The following HTR2A variants were observed in gnomAD, a reference collection of about 807,000 sequenced individuals.
HTR2A encodes the protein 5-hydroxytryptamine receptor 2A, also known as 5-HT2 receptor.
Under a neutral mutation model 31.0 loss-of-function variants are expected in HTR2A, and 14 were observed. That is an observed-to-expected ratio of 0.45 (90% CI 0.30 to 0.71). HTR2A has a LOEUF of 0.71. Among genes scored for constraint, HTR2A ranks in the 30% least tolerant of loss-of-function variants. HTR2A has a pLI of 0.09. For missense variants in HTR2A, 442 were observed against 573.3 expected, an observed-to-expected ratio of 0.77 and a Z score of 2.34; for synonymous variants, 209 against 225.2, an observed-to-expected ratio of 0.93 and a Z score of 0.64.
At chr13:46,872,381 T>C (rs1950869042) in intron 3 of HTR2A, among the ~76,000 whole-genome samples, 1 of 152,194 alleles carries the variant, frequency 6.6e-6, no homozygotes, top group South Asian at 2.1e-4. Context: ...AACAAGCGTA[T>C]GTGCAAAAAG....
chr13:46,848,382 A>C (rs1485844839), intron 3 of HTR2A, among the ~76,000 whole-genome samples: 1 of 152,216 alleles, frequency 6.6e-6, no homozygotes, highest in Non-Finnish European at 1.5e-5. Context: ...TTTTTCTTGA[A>C]GAGATGAAAT....
chr13:46,834,851 C>A lies in HTR2A; in HGVS notation c.1402G>T (p.Val468Leu), dbSNP rs889852055. The A allele has an allele frequency of 8.1e-6, 13 of 1,612,272 alleles. No individual in the cohort carries two copies. Among genetic ancestry groups the A allele is most frequent in the African/African-American group, 1.3e-5 (1 of 74,808 alleles). ...CAACTAGCCTATCACACACAGCTCA[C>A]CTTTTCATTCACTCCGTCGCTATTG... ...KDNSDGVNEK[V>L]SCV Residue 468 changes from valine (V) to leucine (L), a missense_variant, in exon 4 of 4, where the codon GTG becomes TTG. Val to Leu is a conservative substitution (Grantham distance 32). Transcript: ENST00000542664.
At chr13:46,881,508 G>A (rs116239678) in intron 3 of HTR2A, among the ~76,000 whole-genome samples, 1,527 of 152,318 alleles carry the variant, frequency 0.01, 23 homozygotes, top group African/African-American at 0.035. Context: ...ACAACAAATG[G>A]AGGCAATTTC....
intron 3 of HTR2A, chr13:46,852,116 G>C (rs551284193): frequency 6.6e-6 from 1 of 152,428 alleles, no homozygotes; most frequent in East Asian, 1.9e-4. Flanking sequence ...CTAGAAGCTG[G>C]AGGGGCCAGT....
chr13:46,848,909 C>T (rs1950662474), intron 3 of HTR2A, among the ~76,000 whole-genome samples: 1 of 152,092 alleles, frequency 6.6e-6, no homozygotes, highest in South Asian at 2.1e-4. Context: ...ATTACTTATA[C>T]GTGGGAAGCA....
chr13:46,873,493 A>G (rs1214480296), intron 3 of HTR2A, among the ~76,000 whole-genome samples: 1 of 150,212 alleles, frequency 6.7e-6, no homozygotes, highest in African/African-American at 2.4e-5. Flanking sequence ...TATGTGCACA[A>G]TGTGCCGGTT....
intron 3 of HTR2A, among the ~76,000 whole-genome samples, chr13:46,858,890 A>C (rs1025264982): frequency 6.6e-6 from 1 of 152,180 alleles, no homozygotes; most frequent in African/African-American, 2.4e-5. Flanking sequence ...TGAGAAAAGC[A>C]GGGCAGATGC....
chr13:46,870,896 T>C (rs934833095), intron 3 of HTR2A, among the ~76,000 whole-genome samples: 3 of 152,204 alleles, frequency 2.0e-5, no homozygotes, highest in Non-Finnish European at 4.4e-5. Context: ...ACTAAGATTA[T>C]ATAGTTTGAA....
At chr13:46,882,495 C>T (rs1159705732) in intron 3 of HTR2A, among the ~76,000 whole-genome samples, 1 of 151,978 alleles carries the variant, frequency 6.6e-6, no homozygotes, top group Non-Finnish European at 1.5e-5. Context: ...AAAACAAAAC[C>T]ATAAAAGTAA....
upstream of HTR2A, chr13:46,897,104 T>C (rs2138262102): frequency 5.6e-6 from 2 of 356,836 alleles, no homozygotes; most frequent in South Asian, 1.0e-4. Context: ...TGTCATAAGC[T>C]GCAAGGTAGC....
intron 3 of HTR2A, among the ~76,000 whole-genome samples, chr13:46,855,318 G>C (rs900819316): frequency 2.0e-5 from 3 of 152,182 alleles, no homozygotes; most frequent in Non-Finnish European, 4.4e-5. Flanking sequence ...AACTCCTTCA[G>C]TTTTTCGGTT....
chr13:46,856,074 T>C (rs1470150327), intron 3 of HTR2A: 1 of 152,246 alleles, frequency 6.6e-6, no homozygotes, highest in Non-Finnish European at 1.5e-5. Context: ...CATCCCTGGT[T>C]ATATGTTGAT....
intron 3 of HTR2A, among the ~76,000 whole-genome samples, chr13:46,855,845 C>T (rs745496823): frequency 3.3e-5 from 5 of 152,178 alleles, no homozygotes; most frequent in Non-Finnish European, 7.3e-5. Flanking sequence ...TTGTGTATAA[C>T]ATATGATGTG....
At position 46,895,526 on chromosome 13, in the gene HTR2A, G is replaced by T; in HGVS notation, c.381C>A (p.Val127=). ...AIADMLLGFL[V]MPVSMLTILY... is the part of the protein sequence containing the mutation. ...GGATGGTTAACATGGACACGGGCATGACAAGGAAACCCAGCAGCATATCAG... is the reference window on the plus strand; with the variant it reads ...GGATGGTTAACATGGACACGGGCATTACAAGGAAACCCAGCAGCATATCAG... The change falls in exon 2 of 4, where the codon GTC becomes GTA. Residue 127 remains valine, a synonymous_variant. Transcript: ENST00000542664. The surrounding 1 kb of genome is among the most constrained non-coding windows in gnomAD (Gnocchi z 4.4). 6.2e-7 allele frequency: 1 copy of T among 1,614,126 alleles called. No homozygotes were observed. Among genetic ancestry groups the T allele is most frequent in the South Asian group, 1.1e-5 (1 of 91,056 alleles).
At chr13:46,837,243 G>A (rs933566410) in intron 3 of HTR2A, among the ~76,000 whole-genome samples, 10 of 152,050 alleles carry the variant, frequency 6.6e-5, no homozygotes, top group African/African-American at 2.2e-4. Flanking sequence ...CCCCCACCAT[G>A]GACAACCTCT....
intron 3 of HTR2A, among the ~76,000 whole-genome samples, chr13:46,837,971 C>A (rs1950573239): frequency 6.6e-6 from 1 of 152,270 alleles, no homozygotes; most frequent in African/African-American, 2.4e-5. Context: ...TTCCTCCATC[C>A]CTCTCTGTTC....
In HTR2A at chr13:46,834,860, T is replaced by C. The variant is rs775379459; in HGVS notation, c.1393A>G (p.Asn465Asp). The change falls in exon 4 of 4, where the codon AAT becomes GAT. Residue 465 changes from asparagine to aspartate, a missense_variant. By Grantham distance (23) the Asn-to-Asp change is conservative (BLOSUM62 1). Coordinates refer to ENST00000542664, the MANE Select transcript of HTR2A (RefSeq NM_000621.5). ...TATCACACACAGCTCACCTTTTCATTCACTCCGTCGCTATTGTCTTTAGAA... is the reference window on the plus strand; with the variant it reads ...TATCACACACAGCTCACCTTTTCATCCACTCCGTCGCTATTGTCTTTAGAA... ...EASKDNSDGV[N>D]EKVSCV The C allele has an allele frequency of 6.2e-7, 1 of 1,612,908 alleles. No homozygotes were observed. The highest frequency in any genetic ancestry group is 1.1e-5 in the South Asian group (1 of 90,976).
intron 3 of HTR2A, among the ~76,000 whole-genome samples, chr13:46,865,441 G>GAAGA (rs35600514): frequency 6.6e-6 from 1 of 151,942 alleles, no homozygotes; most frequent in Admixed American, 6.6e-5. Context: ...CAACAGAAAA[G>GAAGA]AATATAAGAG....
intron 3 of HTR2A, among the ~76,000 whole-genome samples, chr13:46,850,536 A>G (rs1345312998): frequency 6.6e-6 from 1 of 152,198 alleles, no homozygotes; most frequent in East Asian, 1.9e-4. Flanking sequence ...CACTTTCGCC[A>G]TCAGGTATGC....
Sources: allele counts gnomAD v4.1 joint callset (sites outside exome capture counted in the v4.1 genomes callset), GRCh38; gene constraint gnomAD v4.1.1; non-coding constraint Gnocchi (gnomAD v3.1); transcripts MANE v1.5; gene names NCBI Gene and HGNC (gene_info 2026-07-23, HGNC 2026-07-21).